TSHZ2: variants seen among roughly 807,000 people sequenced by gnomAD.
The protein encoded by TSHZ2 is teashirt homolog 2.
A neutral mutation model predicts 74.4 loss-of-function variants in TSHZ2; 21 were observed. The ratio of observed to expected loss-of-function variants is 0.28; its 90% confidence interval spans 0.20 to 0.41. The LOEUF (loss-of-function observed/expected upper bound fraction) is 0.41, where lower values mean the gene tolerates loss of function less well. Ranked by LOEUF, TSHZ2 falls within the 10% of genes least tolerant of loss-of-function variation. The pLI is 1.00. For synonymous variants in TSHZ2, 540 were observed against 515.3 expected, an observed-to-expected ratio of 1.05 and a Z score of -0.65; for missense variants, 1,244 against 1,293.5, an observed-to-expected ratio of 0.96 and a Z score of 0.59.
intron 1 of TSHZ2, among the ~76,000 whole-genome samples, chr20:53,050,168 CATAT>C (rs1984405256): frequency 9.5e-6 from 1 of 105,450 alleles, no homozygotes. Flanking sequence ...TATATATGTA[CATAT>C]ATACACATAT....
chr20:53,345,934 G>C (rs1980422549), intron 2 of TSHZ2, among the ~76,000 whole-genome samples: 1 of 152,132 alleles, frequency 6.6e-6, no homozygotes, highest in Non-Finnish European at 1.5e-5. Context: ...GAGCATGCCG[G>C]TCACTCAAGA....
chr20:53,130,534 G>A (rs960099448), intron 1 of TSHZ2, among the ~76,000 whole-genome samples: 1 of 152,228 alleles, frequency 6.6e-6, no homozygotes, highest in African/African-American at 2.4e-5. Context: ...GCTGAGGCAT[G>A]AGAATTGCTA....
At chr20:53,010,081 C>T (rs773575317) in intron 1 of TSHZ2, among the ~76,000 whole-genome samples, 51 of 152,232 alleles carry the variant, frequency 3.4e-4, no homozygotes, top group Middle Eastern at 3.4e-3. Flanking sequence ...CTACCATTTT[C>T]TCCTCATCCT....
chr20:53,005,489 C>T (rs955224547), intron 1 of TSHZ2, among the ~76,000 whole-genome samples: 3 of 152,160 alleles, frequency 2.0e-5, no homozygotes, highest in Non-Finnish European at 2.9e-5. Context: ...GGTCTTACCA[C>T]TGCTGTCCCC....
At chr20:53,422,151 A>G (rs1023680543) in intron 2 of TSHZ2, among the ~76,000 whole-genome samples, 2 of 152,216 alleles carry the variant, frequency 1.3e-5, no homozygotes, top group African/African-American at 2.4e-5. Context: ...AGTTAAGGTT[A>G]TGATTATGAA....
In TSHZ2 at chr20:53,490,803, T is replaced by G. The variant is rs1986427021; in HGVS notation, c.*3668T>G. 6.6e-6 allele frequency: 1 copy of G among 152,246 alleles called. No individual in the cohort carries two copies. The highest frequency in any genetic ancestry group is 1.5e-5 in the Non-Finnish European group (1 of 68,034). The allele number at this position is 152,246 out of a possible 1,614,324, so 9.4% of individuals were successfully genotyped here. A position where few individuals can be genotyped will look rare whatever the true frequency, so the allele number is the denominator to read the frequency against. On this transcript the variant is annotated 3_prime_UTR_variant, in exon 3 of 3. Transcript: ENST00000371497. ...TGAGGAGGGGTGTGTGAAGACAGTG[T>G]GCATGCATGAGTGTGTATTCATATA...
chr20:53,178,202 C>G (rs971004365), intron 1 of TSHZ2: 2 of 152,238 alleles, frequency 1.3e-5, no homozygotes, highest in Admixed American at 1.3e-4. Flanking sequence ...TTGGACGCAG[C>G]AGACAGCGAT....
At chr20:53,188,914 AT>A (rs1292092678) in intron 1 of TSHZ2, among the ~76,000 whole-genome samples, 1 of 152,204 alleles carries the variant, frequency 6.6e-6, no homozygotes, top group Non-Finnish European at 1.5e-5. Flanking sequence ...TTTAATCCTT[AT>A]AACATGTCTA....
chr20:53,412,061 A>G (rs560391192), intron 2 of TSHZ2, among the ~76,000 whole-genome samples: 73 of 152,304 alleles, frequency 4.8e-4, no homozygotes, highest in Non-Finnish European at 8.1e-4. Flanking sequence ...CCTCCCTTGA[A>G]TAAGACTTCA....
intron 2 of TSHZ2, among the ~76,000 whole-genome samples, chr20:53,337,922 G>T (rs1028140666): frequency 2.6e-5 from 4 of 152,226 alleles, no homozygotes; most frequent in Non-Finnish European, 4.4e-5. Flanking sequence ...ATCACTGATT[G>T]GAATATGGTT....
chr20:53,127,173 C>A (rs1986970494), intron 1 of TSHZ2, among the ~76,000 whole-genome samples: 1 of 152,152 alleles, frequency 6.6e-6, no homozygotes. Context: ...TGTATTCATT[C>A]ATTTGTTATT....
chr20:53,483,004 AGT>A (rs1270823067), intron 2 of TSHZ2, among the ~76,000 whole-genome samples: 2 of 152,224 alleles, frequency 1.3e-5, no homozygotes, highest in Admixed American at 6.5e-5. Context: ...CCCTTCTTCA[AGT>A]GTAGGAACAC....
At chr20:53,447,566 C>G (rs116082658) in intron 2 of TSHZ2, among the ~76,000 whole-genome samples, 2 of 152,216 alleles carry the variant, frequency 1.3e-5, no homozygotes, top group African/African-American at 4.8e-5. Context: ...AACGTCCTTA[C>G]GCTGTTTCAG....
intron 2 of TSHZ2, among the ~76,000 whole-genome samples, chr20:53,422,785 A>T (rs897505939): frequency 1.3e-5 from 2 of 152,228 alleles, no homozygotes; most frequent in African/African-American, 4.8e-5. Flanking sequence ...CATAAAATAT[A>T]CTTATTCTAA....
At chr20:53,071,067 A>G (rs142251700) in intron 1 of TSHZ2, among the ~76,000 whole-genome samples, 61 of 152,326 alleles carry the variant, frequency 4.0e-4, no homozygotes, top group African/African-American at 1.5e-3. Context: ...ACTCACATTT[A>G]TATTACTAAA....
intron 1 of TSHZ2, among the ~76,000 whole-genome samples, chr20:53,050,103 G>GTGTATATA (rs1555819290): frequency 8.6e-6 from 1 of 116,068 alleles, no homozygotes; most frequent in African/African-American, 3.9e-5. Context: ...GTATATGTGT[G>GTGTATATA]TATATATATA....
intron 1 of TSHZ2, among the ~76,000 whole-genome samples, chr20:53,142,544 G>A (rs1568780000): frequency 6.6e-6 from 1 of 152,226 alleles, no homozygotes; most frequent in Non-Finnish European, 1.5e-5. Flanking sequence ...GCCAGAGGAT[G>A]TTCTCTAGAG....
chr20:53,455,578 T>A (rs2145794928), intron 2 of TSHZ2: 1 of 152,274 alleles, frequency 6.6e-6, no homozygotes, highest in Non-Finnish European at 1.5e-5. Flanking sequence ...TTATTATTAT[T>A]ATACTTTAAG....
At chr20:53,366,709 G>T (rs1392306392) in intron 2 of TSHZ2, among the ~76,000 whole-genome samples, 2 of 152,164 alleles carry the variant, frequency 1.3e-5, no homozygotes, top group Admixed American at 1.3e-4. Flanking sequence ...TTATTATTAA[G>T]GTGGGACAAA....
Sources: allele counts gnomAD v4.1 joint callset (sites outside exome capture counted in the v4.1 genomes callset), GRCh38; gene constraint gnomAD v4.1.1; transcripts MANE v1.5; gene names NCBI Gene and HGNC (gene_info 2026-07-23, HGNC 2026-07-21).